LMAN1: variants seen among roughly 807,000 people sequenced by gnomAD.
The protein encoded by LMAN1 is lectin, mannose binding 1.
Under a neutral mutation model 67.8 loss-of-function variants are expected in LMAN1, and 32 were observed. That is an observed-to-expected ratio of 0.47 (90% CI 0.36 to 0.63). The LOEUF (loss-of-function observed/expected upper bound fraction) is 0.63. Among genes scored for constraint, LMAN1 ranks in the 30% least tolerant of loss-of-function variants. LMAN1 has a pLI of 0.00. For missense variants in LMAN1, 632 were observed against 628.2 expected (o/e 1.01, Z -0.06); for synonymous variants, 235 against 219.3 (o/e 1.07, Z -0.63).
chr18:59,338,994 C>A, intron 8 of LMAN1, 41 bp from the exon 9 acceptor site: 1 of 1,562,250 alleles, frequency 6.4e-7, no homozygotes, highest in Non-Finnish European at 8.8e-7. Context: ...GTCACCTACA[C>A]ATATGTAGTT....
chr18:59,347,046 T>C (rs181739107), intron 7 of LMAN1, among the ~76,000 whole-genome samples: 236 of 151,798 alleles, frequency 1.6e-3, no homozygotes, highest in African/African-American at 5.5e-3. Flanking sequence ...CTGGCTAACA[T>C]GGTGAAACCC....
At position 59,354,546 on chromosome 18, in the gene LMAN1, T is replaced by C. The variant is rs778293644; in HGVS notation, c.512A>G (p.Asn171Ser). Residue 171 changes from asparagine to serine, a missense_variant, in exon 4 of 13, where the codon AAT becomes AGT. By Grantham distance (46) the Asn-to-Ser change is conservative (BLOSUM62 1). Transcript: ENST00000251047. ...NNPAIVIIGN[N>S]GQIHYDHQND... ...TTGATGGTCATAATGGATTTGTCCA[T>C]TGTTGCCTATAATTACTATAGCAGG... 5.7e-5 allele frequency: 87 copies of C among 1,515,234 alleles called. No individual in the cohort carries two copies. Among genetic ancestry groups the C allele is most frequent in the Non-Finnish European group, 7.5e-5 (82 of 1,090,914 alleles). The allele number at this position is 1,515,234 out of a possible 1,614,324, so 93.9% of individuals were successfully genotyped here. A position where few individuals can be genotyped will look rare whatever the true frequency, so the allele number is the denominator to read the frequency against.
chr18:59,353,329 C>G (rs369468180), intron 4 of LMAN1, 28 bp from the exon 5 acceptor site: 2 of 1,474,214 alleles, frequency 1.4e-6, no homozygotes, highest in Non-Finnish European at 9.5e-7. Flanking sequence ...GGAAAACAGA[C>G]AAGACACTCA....
rs1443224009 is a variant in LMAN1, at chr18:59,349,097, A to C, written c.763+16T>G. 6.2e-7 allele frequency: 1 copy of C among 1,613,990 alleles called. No individual in the cohort carries two copies. Among genetic ancestry groups the C allele is most frequent in the Non-Finnish European group, 8.5e-7 (1 of 1,179,860 alleles). The stretch of plus-strand genomic sequence containing the variant: ...CACCTCACAAACTTTTAATATCATC[A>C]GACTGCAAGATTTACCTGCAAGACC... On this transcript the variant is annotated intron_variant, in intron 6 of 12. Coordinates refer to ENST00000251047, the MANE Select transcript of LMAN1 (RefSeq NM_005570.4).
Position 59,331,485 on chromosome 18 carries a change from A to T in LMAN1, c.1429T>A (p.Ser477Thr). 1 of 1,612,146 alleles carries T rather than the reference A, an allele frequency of 6.2e-7. No individual in the cohort carries two copies. The highest frequency in any genetic ancestry group is 1.1e-5 in the South Asian group (1 of 91,036). ...PELPPFPSCL[S>T]TVHFIIFVVV... ...ACAAATATAATGAAGTGGACCGTAG[A>T]CAAACATGATGGAAATGGTGGTAGT... The change falls in exon 12 of 13, where the codon TCT becomes ACT. Residue 477 changes from serine (S) to threonine (T), a missense_variant. Transcript: ENST00000251047.
rs187028904 is a variant in LMAN1 at position 59,342,075 on chromosome 18, T to C, written c.956-3122A>G. 5.6e-3 allele frequency among the ~76,000 whole-genome samples: 857 copies of C among 151,972 alleles called. 16 individuals carry two copies. The highest frequency in any genetic ancestry group is 0.019 in the African/African-American group (807 of 41,438). On this transcript the variant is annotated intron_variant, in intron 8 of 12. Transcript: ENST00000251047. ...CTATATGCTCACAAACTAGAAAACC[T>C]AGAGGAAATGGATAAGTTCCTGGAA...
chr18:59,357,463 A>G (rs1424896383), intron 1 of LMAN1, among the ~76,000 whole-genome samples: 1 of 152,214 alleles, frequency 6.6e-6, no homozygotes, highest in African/African-American at 2.4e-5. Context: ...ATAATTCATC[A>G]TCCCACAAAT....
chr18:59,348,591 G>A (rs763651613), intron 6 of LMAN1, among the ~76,000 whole-genome samples: 34 of 152,318 alleles, frequency 2.2e-4, no homozygotes, highest in Non-Finnish European at 3.7e-4. Context: ...TGGCATTGAC[G>A]TTGAATGGTA....
intron 4 of LMAN1, among the ~76,000 whole-genome samples, chr18:59,354,315 T>C (rs1011880527): frequency 1.3e-5 from 2 of 152,192 alleles, no homozygotes; most frequent in Admixed American, 1.3e-4. Flanking sequence ...ACACATACCA[T>C]GGTTGAATCT....
chr18:59,358,261 A>C (rs982037716), intron 1 of LMAN1, among the ~76,000 whole-genome samples: 1 of 152,234 alleles, frequency 6.6e-6, no homozygotes, highest in African/African-American at 2.4e-5. Context: ...AGATTATTTC[A>C]ATGCTTCCAA....
Position 59,347,565 on chromosome 18 carries a change from T to A in LMAN1, c.770A>T (p.His257Leu). 1 of 1,604,486 alleles carries A rather than the reference T, an allele frequency of 6.2e-7. No individual in the cohort carries two copies. Among genetic ancestry groups the A allele is most frequent in the South Asian group, 1.1e-5 (1 of 89,938 alleles). The change falls in exon 7 of 13, where the codon CAT becomes CTT. Residue 257 changes from histidine to leucine, a missense_variant. Physicochemically the swap from His to Leu is moderately conservative, Grantham distance 99 (BLOSUM62 -3). Coordinates refer to ENST00000251047, the MANE Select transcript of LMAN1 (RefSeq NM_005570.4). ...SAATGGLADD[H>L]DVLSFLTFQL... ...GAAAGTCAGAAAAGAAAGGACATCA[T>A]GGTCATCTACAAATTAAAAAAAAAA...
rs549399991 is a variant in LMAN1 at position 59,354,066 on chromosome 18, T to C, written c.539+453A>G. Among the ~76,000 whole-genome samples, 13 of 152,338 alleles carry C rather than the reference T, an allele frequency of 8.5e-5. No individual in the cohort carries two copies. In the South Asian group the frequency reaches 2.7e-3, roughly 32 times the overall value. ...GAACCCACAAATACAGAGGGTTGAC[T>C]GTACTGAACACTTAGAATCTCTGCA... On this transcript the variant is annotated intron_variant, in intron 4 of 12. Coordinates refer to ENST00000251047, the MANE Select transcript of LMAN1 (RefSeq NM_005570.4).
chr18:59,356,040 T>C (rs1313349869), intron 1 of LMAN1, among the ~76,000 whole-genome samples: 1 of 152,182 alleles, frequency 6.6e-6, no homozygotes, highest in Non-Finnish European at 1.5e-5. Flanking sequence ...GAAAAGAACA[T>C]ACCACTAGGA....
Position 59,327,897 on chromosome 18 carries a change from A to T in LMAN1, c.*3196T>A, listed in dbSNP as rs2070722213. The stretch of plus-strand genomic sequence containing the variant: ...TTCCAGCTAGCATCAAATAATCAGG[A>T]AAAAAAAAACTTGACAAAATGTTAT... On this transcript the variant is annotated 3_prime_UTR_variant, in exon 13 of 13. Transcript: ENST00000251047. 2.0e-5 allele frequency: 3 copies of T among 150,178 alleles called. No individual in the cohort carries two copies. The highest frequency in any genetic ancestry group is 4.5e-5 in the Non-Finnish European group (3 of 67,334). The allele number at this position is 150,178 out of a possible 1,614,324, so 9.3% of individuals were successfully genotyped here.
At chr18:59,348,269 GT>G (rs891371995) in intron 6 of LMAN1, among the ~76,000 whole-genome samples, 4 of 152,210 alleles carry the variant, frequency 2.6e-5, no homozygotes, top group African/African-American at 9.7e-5. Context: ...GCTTTGTACT[GT>G]TTTTACGGAA....
At chr18:59,347,464 A>T (rs1222741963) in intron 7 of LMAN1, 49 bp downstream of exon 7, 1 of 1,382,842 alleles carries the variant, frequency 7.2e-7, no homozygotes. Flanking sequence ...ACGTTCAGCT[A>T]AAAGGCAAAC....
chr18:59,331,274 T>C (rs1231553589), intron 12 of LMAN1, 144 bp downstream of exon 12: 6 of 1,077,512 alleles, frequency 5.6e-6, no homozygotes, highest in Non-Finnish European at 8.4e-6. Flanking sequence ...GTGCACTTTA[T>C]GTGAACTGAA....
At chr18:59,358,560 G>A (rs1367057875) in intron 1 of LMAN1, among the ~76,000 whole-genome samples, 9 of 151,568 alleles carry the variant, frequency 5.9e-5, no homozygotes, top group Admixed American at 4.6e-4. Flanking sequence ...GCTAACACCG[G>A]AGCAAAGAAA....
chr18:59,333,552 TATA>T (rs1159952795), intron 10 of LMAN1: 7 of 303,258 alleles, frequency 2.3e-5, no homozygotes, highest in Non-Finnish European at 3.7e-5. Flanking sequence ...TTAATGAAGT[TATA>T]ATAAATCTTT....
Sources: allele counts gnomAD v4.1 joint callset (sites outside exome capture counted in the v4.1 genomes callset), GRCh38; gene constraint gnomAD v4.1.1; transcripts MANE v1.5; gene names NCBI Gene and HGNC (gene_info 2026-07-23, HGNC 2026-07-21).